Variants in CRPPA observed in about 807,000 individuals in gnomAD.
The protein encoded by CRPPA is D-ribitol-5-phosphate cytidylyltransferase.
A neutral mutation model predicts 52.0 loss-of-function variants in CRPPA; 43 were observed. That is an observed-to-expected ratio of 0.83 (90% confidence interval 0.65 to 1.07). The LOEUF (loss-of-function observed/expected upper bound fraction) is 1.07, where lower values mean the gene tolerates loss of function less well. CRPPA is among the 50% of genes least tolerant of loss of function. CRPPA has a pLI of 0.00. For synonymous variants in CRPPA, 250 were observed against 203.5 expected, an observed-to-expected ratio of 1.23 and a Z score of -1.94; for missense variants, 629 against 551.7, an observed-to-expected ratio of 1.14 and a Z score of -1.40.
intron 3 of CRPPA, among the ~76,000 whole-genome samples, chr7:16,357,249 G>A (rs1786325376): frequency 6.6e-6 from 1 of 152,098 alleles, no homozygotes; most frequent in Non-Finnish European, 1.5e-5. Context: ...CACAATCTCT[G>A]CTCACTGCAA....
At chr7:16,131,740 C>T (rs958990940) in intron 9 of CRPPA, among the ~76,000 whole-genome samples, 23 of 152,114 alleles carry the variant, frequency 1.5e-4, no homozygotes, top group Non-Finnish European at 2.8e-4. Context: ...ACTACCATGC[C>T]CAGCTAATTT....
intron 3 of CRPPA, among the ~76,000 whole-genome samples, chr7:16,367,854 A>G (rs1464916958): frequency 6.6e-6 from 1 of 152,196 alleles, no homozygotes; most frequent in East Asian, 1.9e-4. Context: ...AATCTCCATT[A>G]TAAGATTAAC....
chr7:16,376,026 C>CA, intron 3 of CRPPA, 66 bp downstream of exon 3: 3 of 1,480,858 alleles, frequency 2.0e-6, no homozygotes, highest in Non-Finnish European at 2.7e-6. Flanking sequence ...GGAAATTCTC[C>CA]AAATGTGGAG....
rs1200516362 is a variant in CRPPA, at chr7:16,216,910, C to T, written c.1120-713G>A. On this transcript the variant is annotated intron_variant, in intron 8 of 9. Transcript: ENST00000407010. ...GGCTTGCTTAGGTAAACAAAGCAGCCGGGAAGCTCCAACTGGGTGGAGCCC... is the reference window on the plus strand; with the variant it reads ...GGCTTGCTTAGGTAAACAAAGCAGCTGGGAAGCTCCAACTGGGTGGAGCCC... 4.9e-4 allele frequency among the ~76,000 whole-genome samples: 75 copies of T among 151,848 alleles called. No homozygotes were observed. The South Asian group carries it at 0.012, about 24-fold the overall frequency.
chr7:16,173,512 T>C (rs147005590), intron 9 of CRPPA, among the ~76,000 whole-genome samples: 2 of 152,180 alleles, frequency 1.3e-5, no homozygotes. Flanking sequence ...TGTTACTCTT[T>C]GCAACCTACT....
rs1786875144 is a variant in CRPPA, at chr7:16,376,101, T to C, written c.675A>G (p.Ala225=). The C allele has an allele frequency of 6.3e-7, 1 of 1,589,564 alleles. No individual in the cohort carries two copies. Among genetic ancestry groups the C allele is most frequent in the Non-Finnish European group, 8.6e-7 (1 of 1,168,266 alleles). The part of the protein sequence containing the change: ...QAFLFDVIYE[A]YQQCSDYDLE... Reference sequence around the variant, plus strand: ...AAGCCCAAATTCTTACCTGCTGATATGCTTCATAAATCACATCAAATAGAA... The same window carrying C: ...AAGCCCAAATTCTTACCTGCTGATACGCTTCATAAATCACATCAAATAGAA... The change falls in exon 3 of 10, where the codon GCA becomes GCG. Residue 225 remains alanine, a synonymous_variant. Transcript: ENST00000407010.
chr7:16,408,926 G>C (rs893944469), intron 1 of CRPPA, among the ~76,000 whole-genome samples: 1 of 152,166 alleles, frequency 6.6e-6, no homozygotes, highest in Admixed American at 6.5e-5. Flanking sequence ...TTTTGAGACA[G>C]AGTCTCACTC....
chr7:16,383,606 T>C (rs1038282859), intron 2 of CRPPA, among the ~76,000 whole-genome samples: 1 of 152,220 alleles, frequency 6.6e-6, no homozygotes, highest in Admixed American at 6.5e-5. Flanking sequence ...AGGTGGAGCC[T>C]ACAGAGGCAG....
intron 4 of CRPPA, among the ~76,000 whole-genome samples, chr7:16,306,910 T>C (rs997689460): frequency 6.6e-6 from 1 of 152,120 alleles, no homozygotes; most frequent in Non-Finnish European, 1.5e-5. Flanking sequence ...CTTTACCGCA[T>C]AAATTTTCTC....
chr7:16,185,256 T>A (rs1781484127), intron 9 of CRPPA, among the ~76,000 whole-genome samples: 1 of 152,134 alleles, frequency 6.6e-6, no homozygotes, highest in South Asian at 2.1e-4. Flanking sequence ...CTCCCCTTTA[T>A]AAAACCATTC....
At chr7:16,226,726 G>A (rs10464206) in intron 8 of CRPPA, among the ~76,000 whole-genome samples, 107,325 of 151,652 alleles carry the variant, frequency 0.71, 38,140 homozygotes, top group Admixed American at 0.78. Context: ...TTTACACAAC[G>A]TGATGTTCTG....
In CRPPA at chr7:16,303,477, T is replaced by TAAAAA. The variant is rs545663821; in HGVS notation, c.790-2016_790-2012dup. ...GTTTCTGTGTTGAGACATAAAATAG[T>TAAAAA]AAAAAAAAAAAAAAAAAAAAAAAAA... On this transcript the variant is annotated intron_variant, in intron 4 of 9. Transcript: ENST00000407010. Among the ~76,000 whole-genome samples, 34 of 44,976 alleles carry TAAAAA rather than the reference T, an allele frequency of 7.6e-4. 1 individual carries two copies. The highest frequency in any genetic ancestry group is 1.4e-3 in the African/African-American group (17 of 12,080). The allele number at this position is 44,976 out of a possible 152,430, so 29.5% of individuals were successfully genotyped here.
chr7:16,363,203 G>A (rs904281082), intron 3 of CRPPA, among the ~76,000 whole-genome samples: 1 of 152,128 alleles, frequency 6.6e-6, no homozygotes, highest in Non-Finnish European at 1.5e-5. Flanking sequence ...TTTCAATAAT[G>A]AGATATGACT....
chr7:16,203,243 T>C (rs1482151214), intron 9 of CRPPA, among the ~76,000 whole-genome samples: 1 of 152,120 alleles, frequency 6.6e-6, no homozygotes, highest in Non-Finnish European at 1.5e-5. Flanking sequence ...CATAATGACC[T>C]ATTGTTTGGG....
chr7:16,361,774 A>G (rs1485315448), intron 3 of CRPPA, among the ~76,000 whole-genome samples: 1 of 152,242 alleles, frequency 6.6e-6, no homozygotes, highest in Non-Finnish European at 1.5e-5. Flanking sequence ...CAAAAGTGTG[A>G]ATGTACTTAA....
intron 2 of CRPPA, among the ~76,000 whole-genome samples, chr7:16,399,420 G>T (rs1164820699): frequency 2.0e-5 from 3 of 150,836 alleles, no homozygotes; most frequent in African/African-American, 7.4e-5. Context: ...TGTGACATGT[G>T]ACAAGTGACA....
intron 3 of CRPPA, among the ~76,000 whole-genome samples, chr7:16,340,582 AT>A (rs36104228): frequency 0.47 from 69,607 of 148,990 alleles, 16,566 homozygotes; most frequent in African/African-American, 0.54. Flanking sequence ...TAACTATCAA[AT>A]TGCTGGCAAT....
At chr7:16,267,713 C>T (rs950653348) in intron 6 of CRPPA, among the ~76,000 whole-genome samples, 1 of 152,076 alleles carries the variant, frequency 6.6e-6, no homozygotes, top group Non-Finnish European at 1.5e-5. Flanking sequence ...AATTTAAATG[C>T]ATAAAGTTTT....
chr7:16,382,844 A>C (rs1454214238), intron 2 of CRPPA, among the ~76,000 whole-genome samples: 1 of 152,022 alleles, frequency 6.6e-6, no homozygotes, highest in Non-Finnish European at 1.5e-5. Flanking sequence ...CAGCTCCATC[A>C]GCTCCTTTAA....
Sources: gnomAD v4.1 joint callset for allele counts (sites outside exome capture counted in the v4.1 genomes callset) on GRCh38, gnomAD v4.1.1 for gene constraint, MANE v1.5 for transcripts, NCBI Gene and HGNC (gene_info 2026-07-23, HGNC 2026-07-21) for gene names.